Variants in ASXL3 observed in about 807,000 individuals in gnomAD.
ASXL3 encodes the protein ASXL transcriptional regulator 3, also known as putative Polycomb group protein ASXL3.
A neutral mutation model predicts 170.6 loss-of-function variants in ASXL3; 34 were observed. The ratio of observed to expected loss-of-function variants is 0.20; its 90% CI spans 0.15 to 0.27. ASXL3 has a LOEUF of 0.27. Ranked by LOEUF, ASXL3 falls within the 10% of genes least tolerant of loss-of-function variation. The probability of loss-of-function intolerance (pLI) is 1.00; values close to 1 mark genes in which losing one functional copy is unlikely to be tolerated. For missense variants in ASXL3, 2,592 were observed against 2,695.3 expected (o/e 0.96, Z 0.85); for synonymous variants, 1,002 against 989.1 (o/e 1.01, Z -0.24).
chr18:33,700,058 C>T (rs1042770040), intron 8 of ASXL3, among the ~76,000 whole-genome samples: 1 of 151,970 alleles, frequency 6.6e-6, no homozygotes, highest in African/African-American at 2.4e-5. Context: ...AGAATGCAGA[C>T]TTGTCTTTTA....
chr18:33,645,155 T>A (rs541085706), intron 3 of ASXL3, among the ~76,000 whole-genome samples, 153 bp downstream of exon 3: 203 of 152,150 alleles, frequency 1.3e-3, no homozygotes, highest in African/African-American at 4.6e-3. Context: ...ATATTAAGAA[T>A]AAACAATGAC....
chr18:33,679,197 ATTT>A (rs2066477165), intron 7 of ASXL3, among the ~76,000 whole-genome samples: 1 of 152,008 alleles, frequency 6.6e-6, no homozygotes, highest in Admixed American at 6.6e-5. Context: ...AATTAAGCAA[ATTT>A]TTTTCTCTCT....
chr18:33,636,676 G>T (rs1020698378), intron 2 of ASXL3, among the ~76,000 whole-genome samples: 1 of 152,144 alleles, frequency 6.6e-6, no homozygotes. Context: ...GTGGGGATCA[G>T]GAGGAAGATC....
intron 6 of ASXL3, 64 bp from the exon 7 acceptor site, chr18:33,671,683 T>G: frequency 7.0e-7 from 1 of 1,423,218 alleles, no homozygotes; most frequent in Non-Finnish European, 9.5e-7. Flanking sequence ...TCAAACAATT[T>G]TAGATTTTTC....
At position 33,744,901 on chromosome 18, in the gene ASXL3, G is replaced by A; in HGVS notation, c.5053G>A (p.Asp1685Asn). The change falls in exon 12 of 12, where the codon GAC becomes AAC. Residue 1685 changes from aspartate to asparagine, a missense_variant. Asp to Asn is a conservative substitution (Grantham distance 23). Coordinates refer to ENST00000269197, the MANE Select transcript of ASXL3 (RefSeq NM_030632.3). ...ADKGFRMDTEDFPGPELPPPA... is the reference protein window; with the variant it reads ...ADKGFRMDTENFPGPELPPPA... ...CAAGGGCTTTAGAATGGACACTGAAGACTTCCCTGGCCCTGAGCTGCCTCC... is the reference window on the plus strand; with the variant it reads ...CAAGGGCTTTAGAATGGACACTGAAAACTTCCCTGGCCCTGAGCTGCCTCC... The A allele has an allele frequency of 6.2e-7, 1 of 1,614,020 alleles. No homozygotes were observed.
At chr18:33,716,610 TTAGG>T (rs1462837473) in intron 8 of ASXL3, among the ~76,000 whole-genome samples, 10 of 152,102 alleles carry the variant, frequency 6.6e-5, no homozygotes, top group African/African-American at 7.2e-5. Flanking sequence ...TTGGTGTAAT[TTAGG>T]TGGCATGTTT....
chr18:33,707,803 T>C (rs1172869381), intron 8 of ASXL3, among the ~76,000 whole-genome samples: 1 of 152,058 alleles, frequency 6.6e-6, no homozygotes, highest in Non-Finnish European at 1.5e-5. Flanking sequence ...AAAGCAGATA[T>C]ATTTTATAGA....
chr18:33,634,929 T>A (rs190350785), intron 2 of ASXL3, among the ~76,000 whole-genome samples: 2 of 152,122 alleles, frequency 1.3e-5, no homozygotes, highest in Non-Finnish European at 2.9e-5. Context: ...CAGAACTAAA[T>A]GCTACAATAG....
intron 2 of ASXL3, among the ~76,000 whole-genome samples, chr18:33,643,626 T>C (rs988079486): frequency 5.3e-5 from 8 of 151,938 alleles, no homozygotes; most frequent in Admixed American, 3.9e-4. Flanking sequence ...GCTGCCTTGC[T>C]ATTAAGTGTG....
intron 5 of ASXL3, among the ~76,000 whole-genome samples, chr18:33,663,491 A>AT (rs1211071640): frequency 1.3e-5 from 2 of 152,024 alleles, no homozygotes; most frequent in Admixed American, 6.6e-5. Context: ...ATTTTAAGTG[A>AT]TTTTTTTGTT....
intron 8 of ASXL3, among the ~76,000 whole-genome samples, chr18:33,702,481 G>A (rs1445753184): frequency 6.6e-6 from 1 of 152,178 alleles, no homozygotes; most frequent in Non-Finnish European, 1.5e-5. Flanking sequence ...GGTTGGCCAT[G>A]AGCACAGTCA....
intron 2 of ASXL3, among the ~76,000 whole-genome samples, chr18:33,633,104 C>T (rs2065705032): frequency 6.6e-6 from 1 of 152,112 alleles, no homozygotes; most frequent in Non-Finnish European, 1.5e-5. Flanking sequence ...TCATCTCCAC[C>T]CCTGGAGTGA....
chr18:33,743,902 A>C lies in ASXL3; in HGVS notation c.4054A>C (p.Asn1352His). Reference protein sequence around the residue: ...PTPSIGNNLPNLSTSSVLIPP... With the variant: ...PTPSIGNNLPHLSTSSVLIPP... ...TCCCTCCATCGGAAACAATTTGCCA[A>C]ACCTCTCCACTAGCTCTGTCTTGAT... Residue 1352 changes from asparagine to histidine, a missense_variant, in exon 12 of 12, where the codon AAC (asparagine) becomes CAC (histidine). Asn to His is a moderately conservative substitution (Grantham distance 68). Coordinates refer to ENST00000269197, the MANE Select transcript of ASXL3 (RefSeq NM_030632.3). The C allele has an allele frequency of 2.5e-6, 4 of 1,614,028 alleles. No individual in the cohort carries two copies. Among genetic ancestry groups the C allele is most frequent in the Non-Finnish European group, 3.4e-6 (4 of 1,179,898 alleles).
intron 8 of ASXL3, among the ~76,000 whole-genome samples, chr18:33,693,686 A>T (rs1056047891): frequency 6.6e-6 from 1 of 152,190 alleles, no homozygotes; most frequent in African/African-American, 2.4e-5. Flanking sequence ...ATGGCAGTGG[A>T]CAAATAGTTG....
At chr18:33,584,555 A>G (rs981707655) in intron 1 of ASXL3, among the ~76,000 whole-genome samples, 1 of 152,200 alleles carries the variant, frequency 6.6e-6, no homozygotes, top group Admixed American at 6.5e-5. Flanking sequence ...ACTTGATACT[A>G]AAGAATCTGA....
chr18:33,748,303 T>C lies in ASXL3; in HGVS notation c.*1708T>C, dbSNP rs569977227. 3 of 152,322 alleles carry C rather than the reference T, an allele frequency of 2.0e-5. No homozygotes were observed. The highest frequency in any genetic ancestry group is 7.2e-5 in the African/African-American group (3 of 41,578). 9.4% of individuals were successfully genotyped at this position (152,322 alleles called of 1,614,324 possible). A position where few individuals can be genotyped will look rare whatever the true frequency, so the allele number is the denominator to read the frequency against. ...GTGATTTTTTTATAATAACCAACTA[T>C]ATAATATGTTTTTTTCTCCGTATTT... On this transcript the variant is annotated 3_prime_UTR_variant, in exon 12 of 12. Transcript: ENST00000269197.
At chr18:33,649,501 A>G (rs1270018811) in intron 4 of ASXL3, 2 of 152,172 alleles carry the variant, frequency 1.3e-5, no homozygotes, top group Admixed American at 1.3e-4. Context: ...GTCTGACAGC[A>G]TTAAGGACAT....
At chr18:33,682,368 A>G (rs1326010234) in intron 7 of ASXL3, among the ~76,000 whole-genome samples, 1 of 152,172 alleles carries the variant, frequency 6.6e-6, no homozygotes, top group Non-Finnish European at 1.5e-5. Context: ...ACAGAATGGT[A>G]ATTCTTCTGT....
intron 2 of ASXL3, among the ~76,000 whole-genome samples, chr18:33,629,530 A>G (rs998824528): frequency 6.6e-6 from 1 of 152,038 alleles, no homozygotes; most frequent in African/African-American, 2.4e-5. Context: ...CCATTTAGTT[A>G]GTTGATTAAA....
Sources: gnomAD v4.1 joint callset for allele counts (sites outside exome capture counted in the v4.1 genomes callset) on GRCh38, gnomAD v4.1.1 for gene constraint, MANE v1.5 for transcripts, NCBI Gene and HGNC (gene_info 2026-07-23, HGNC 2026-07-21) for gene names.